Variants in MIPOL1 observed in about 807,000 individuals in gnomAD.
MIPOL1 encodes mirror-image polydactyly gene 1 protein.
In MIPOL1, 57 loss-of-function variants were observed where a neutral mutation model predicts 60.9. That is an observed-to-expected ratio of 0.94 (90% CI 0.76 to 1.17). MIPOL1 has a LOEUF of 1.17. MIPOL1 is among the 50% of genes most tolerant of loss of function. The pLI, the probability that MIPOL1 is intolerant of heterozygous loss-of-function variation, is 0.00. For missense variants in MIPOL1, 551 were observed against 511.6 expected (o/e 1.08, Z -0.74); for synonymous variants, 179 against 168.8 (o/e 1.06, Z -0.47).
intron 10 of MIPOL1, among the ~76,000 whole-genome samples, chr14:37,375,193 A>G (rs530298151): frequency 2.0e-5 from 3 of 151,874 alleles, no homozygotes; most frequent in East Asian, 1.9e-4. Flanking sequence ...TACCCTTTTT[A>G]ATAATTATTT....
chr14:37,245,081 G>A (rs1972978191), intron 1 of MIPOL1, among the ~76,000 whole-genome samples: 1 of 152,058 alleles, frequency 6.6e-6, no homozygotes, highest in Non-Finnish European at 1.5e-5. Flanking sequence ...TTCATATGAA[G>A]CCTATTTAAT....
chr14:37,424,828 A>G (rs761242775), intron 11 of MIPOL1, among the ~76,000 whole-genome samples: 2 of 152,198 alleles, frequency 1.3e-5, no homozygotes, highest in Non-Finnish European at 2.9e-5. Context: ...TTTTACACCA[A>G]TGACTCTCAA....
intron 5 of MIPOL1, among the ~76,000 whole-genome samples, chr14:37,270,172 A>C (rs947945105): frequency 6.6e-6 from 1 of 152,034 alleles, no homozygotes; most frequent in Non-Finnish European, 1.5e-5. Context: ...TCTGAATTTA[A>C]TTTGCCTGTT....
At chr14:37,497,411 G>A (rs1232245842) in intron 11 of MIPOL1, among the ~76,000 whole-genome samples, 2 of 152,188 alleles carry the variant, frequency 1.3e-5, no homozygotes, top group East Asian at 1.9e-4. Flanking sequence ...TTTTAAATTA[G>A]GCCATATATG....
intron 10 of MIPOL1, among the ~76,000 whole-genome samples, chr14:37,370,756 A>G (rs1202916884): frequency 6.6e-6 from 1 of 152,158 alleles, no homozygotes; most frequent in Non-Finnish European, 1.5e-5. Context: ...ATAGATGAAA[A>G]CAATACATGA....
intron 10 of MIPOL1, among the ~76,000 whole-genome samples, chr14:37,395,343 C>T (rs574293574): frequency 1.6e-3 from 244 of 152,124 alleles, no homozygotes; most frequent in Non-Finnish European, 2.3e-3. Context: ...TTTGGCAGTG[C>T]GGTCATTTTC....
intron 1 of MIPOL1, among the ~76,000 whole-genome samples, chr14:37,233,757 G>A (rs1409888164): frequency 6.6e-6 from 1 of 152,186 alleles, no homozygotes; most frequent in East Asian, 1.9e-4. Flanking sequence ...CTCTGGTGAA[G>A]CTTTTCTAGG....
At chr14:37,551,743 G>C (rs2095562053), downstream of MIPOL1, 1 of 151,724 alleles carries the variant, frequency 6.6e-6, no homozygotes, top group Non-Finnish European at 1.5e-5. Context: ...GCCGGGCGTG[G>C]TGGCGGGCGC....
chr14:37,445,327 T>C (rs2153569839), intron 11 of MIPOL1, among the ~76,000 whole-genome samples: 2 of 152,230 alleles, frequency 1.3e-5, no homozygotes, highest in African/African-American at 4.8e-5. Flanking sequence ...TCACAATTGC[T>C]TCAAAGAGAA....
intron 10 of MIPOL1, among the ~76,000 whole-genome samples, chr14:37,419,751 C>A (rs1177776649): frequency 1.4e-5 from 2 of 146,214 alleles, no homozygotes. Flanking sequence ...TTTTTTTTTT[C>A]TTTTTTAGAG....
chr14:37,495,413 G>C (rs1197492873), intron 11 of MIPOL1, among the ~76,000 whole-genome samples: 1 of 149,630 alleles, frequency 6.7e-6, no homozygotes, highest in Non-Finnish European at 1.5e-5. Context: ...AGTTTACTGA[G>C]AATGATGATT....
chr14:37,348,214 G>C (rs966053718), intron 9 of MIPOL1, among the ~76,000 whole-genome samples: 9 of 152,108 alleles, frequency 5.9e-5, no homozygotes, highest in Non-Finnish European at 7.4e-5. Context: ...ATAGCCAACA[G>C]CTGCATACAT....
intron 9 of MIPOL1, among the ~76,000 whole-genome samples, chr14:37,337,661 C>T (rs2090271574): frequency 6.6e-6 from 1 of 151,858 alleles, no homozygotes; most frequent in Non-Finnish European, 1.5e-5. Context: ...AGCCACTGTG[C>T]CTGGCCTTGT....
intron 7 of MIPOL1, among the ~76,000 whole-genome samples, chr14:37,285,958 AAAAG>A (rs975906343): frequency 6.6e-6 from 1 of 152,196 alleles, no homozygotes; most frequent in Non-Finnish European, 1.5e-5. Context: ...TCAGTTTAAA[AAAAG>A]AAAGAAAGAA....
chr14:37,414,633 T>C (rs960894959), intron 10 of MIPOL1, among the ~76,000 whole-genome samples: 1 of 152,206 alleles, frequency 6.6e-6, no homozygotes, highest in African/African-American at 2.4e-5. Context: ...TGCTTCAAGG[T>C]TTCTTCTTTG....
chr14:37,232,619 A>G (rs564986516), intron 1 of MIPOL1, among the ~76,000 whole-genome samples: 1 of 152,120 alleles, frequency 6.6e-6, no homozygotes, highest in East Asian at 1.9e-4. Context: ...TACCATTTTG[A>G]CTATTATTTG....
intron 11 of MIPOL1, among the ~76,000 whole-genome samples, chr14:37,440,054 C>A (rs776156753): frequency 1.3e-5 from 2 of 152,014 alleles, no homozygotes; most frequent in African/African-American, 2.4e-5. Context: ...ACTATGTTAT[C>A]CTAGCTGGTC....
intron 3 of MIPOL1, 118 bp downstream of exon 3, chr14:37,248,025 C>A: frequency 2.2e-6 from 2 of 924,908 alleles, no homozygotes; most frequent in Non-Finnish European, 3.3e-6. Flanking sequence ...TGCGCACACA[C>A]ACACACAAAA....
At chr14:37,257,095 TTGTGTGTG>T (rs61079220) in intron 3 of MIPOL1, among the ~76,000 whole-genome samples, 10 of 137,792 alleles carry the variant, frequency 7.3e-5, no homozygotes, top group East Asian at 6.5e-4. Flanking sequence ...TGGTTTTGTT[TTGTGTGTG>T]TGTGTGTGTG....
Sources: allele counts gnomAD v4.1 joint callset (sites outside exome capture counted in the v4.1 genomes callset), GRCh38; gene constraint gnomAD v4.1.1; transcripts MANE v1.5; gene names NCBI Gene and HGNC (gene_info 2026-07-23, HGNC 2026-07-21).